C2CD5: variants seen among roughly 807,000 people sequenced by gnomAD.
C2CD5 encodes C2 calcium dependent domain containing 5, also known as C2 domain-containing protein 5.
Under a neutral mutation model 130.3 loss-of-function variants are expected in C2CD5, and 109 were observed. The ratio of observed to expected loss-of-function variants is 0.84; its 90% confidence interval spans 0.72 to 0.98. C2CD5 has a LOEUF of 0.98. Among genes scored for constraint, C2CD5 ranks in the 50% least tolerant of loss-of-function variants. C2CD5 has a pLI of 0.00. For synonymous variants in C2CD5, 454 were observed against 429.2 expected (o/e 1.06, Z -0.71); for missense variants, 996 against 1,261.8 (o/e 0.79, Z 3.19).
chr12:22,469,042 A>T (rs1022956799), intron 22 of C2CD5, among the ~76,000 whole-genome samples: 2 of 152,184 alleles, frequency 1.3e-5, no homozygotes, highest in Admixed American at 6.6e-5. Context: ...GTAATTTTAA[A>T]TTTTTTTGTA....
chr12:22,469,830 T>C (rs761007224), intron 21 of C2CD5, 35 bp from the exon 22 acceptor site: 10 of 1,262,252 alleles, frequency 7.9e-6, no homozygotes, highest in South Asian at 2.9e-5. Flanking sequence ...TATTTAGTAA[T>C]GATCTATTAT....
At chr12:22,527,565 G>A (rs1253882386) in intron 4 of C2CD5, among the ~76,000 whole-genome samples, 156 bp downstream of exon 4, 6 of 151,878 alleles carry the variant, frequency 4.0e-5, no homozygotes, top group Admixed American at 2.6e-4. Flanking sequence ...TGATCCACCC[G>A]CCTCAGCCTC....
chr12:22,468,713 G>A (rs1478019750), intron 22 of C2CD5, among the ~76,000 whole-genome samples: 1 of 152,074 alleles, frequency 6.6e-6, no homozygotes, highest in Non-Finnish European at 1.5e-5. Flanking sequence ...CAGTTACTAC[G>A]TTACAAAGTT....
intron 11 of C2CD5, 126 bp downstream of exon 11, chr12:22,493,097 G>A: frequency 2.0e-6 from 1 of 512,594 alleles, no homozygotes; most frequent in Non-Finnish European, 3.5e-6. Context: ...TTAATCTAAT[G>A]TACTCCAAGG....
chr12:22,505,862 T>A (rs7979297), intron 10 of C2CD5, among the ~76,000 whole-genome samples: 24,201 of 149,812 alleles, frequency 0.16, 3,835 homozygotes, highest in African/African-American at 0.41. Flanking sequence ...GATGTTAGTT[T>A]GCTCATCTGT....
At chr12:22,482,872 T>C in intron 13 of C2CD5, 129 bp from the exon 14 acceptor site, 2 of 669,128 alleles carry the variant, frequency 3.0e-6, no homozygotes, top group East Asian at 2.7e-5. Flanking sequence ...CTGAGTTATA[T>C]CAATAATCTG....
At position 22,544,200 on chromosome 12, in the gene C2CD5, G is replaced by GT. The variant is rs1041524717; in HGVS notation, c.-29-22dup. ...GGCTCCTGCAGAAACAAACAAACGA[G>GT]TCTGCGCCGAGCGCGGGGCCGGCGG... On this transcript the variant is annotated intron_variant, in intron 1 of 26. Coordinates refer to ENST00000446597, the MANE Select transcript of C2CD5 (RefSeq NM_001286176.2). 9.6e-6 allele frequency: 15 copies of GT among 1,568,166 alleles called. No homozygotes were observed. In the African/African-American group the frequency reaches 1.8e-4, roughly 19 times the overall value.
In C2CD5 at chr12:22,524,612, T is replaced by C. The variant is rs746424562; in HGVS notation, c.461A>G (p.Lys154Arg). Reference protein sequence around the residue: ...VKFFCTTSIPKCYRAVIIHGF... With the variant: ...VKFFCTTSIPRCYRAVIIHGF... ...ATGAATTATCACAGCTCTATAGCAT[T>C]TTGGAATAGACGTTGCTGTTAAAAC... Residue 154 changes from lysine to arginine, a missense_variant, in exon 6 of 27, where the codon AAA (lysine) becomes AGA (arginine). Lys to Arg is a conservative substitution (Grantham distance 26). Around this residue, in one of 9 missense-constraint regions of C2CD5, gnomAD observed 49 missense variants for 52.0 expected, o/e 0.94. Transcript: ENST00000446597. 6 of 1,611,658 alleles carry C rather than the reference T, an allele frequency of 3.7e-6. No homozygotes were observed. The highest frequency in any genetic ancestry group is 5.1e-6 in the Non-Finnish European group (6 of 1,178,524).
chr12:22,484,694 T>G lies in C2CD5; in HGVS notation c.1550+3A>C, dbSNP rs1253885820. ...ACACCGAGTGTTGTTTTCACAAACA[T>G]ACCTTGCTTGAATAAGACAACCTTT... On this transcript the variant is annotated splice_donor_region_variant and intron_variant, in intron 13 of 26. Coordinates refer to ENST00000446597, the MANE Select transcript of C2CD5 (RefSeq NM_001286176.2). 6.5e-7 allele frequency: 1 copy of G among 1,541,502 alleles called. No homozygotes were observed. The highest frequency in any genetic ancestry group is 1.4e-5 in the African/African-American group (1 of 71,804).
At chr12:22,493,829 C>T (rs1484446724) in intron 10 of C2CD5, among the ~76,000 whole-genome samples, 2 of 151,372 alleles carry the variant, frequency 1.3e-5, no homozygotes, top group Admixed American at 6.6e-5. Context: ...GAGAGAAAGC[C>T]ATCTGTAAGC....
chr12:22,514,184 T>C (rs1333217566), intron 8 of C2CD5, among the ~76,000 whole-genome samples: 1 of 152,150 alleles, frequency 6.6e-6, no homozygotes, highest in Non-Finnish European at 1.5e-5. Flanking sequence ...AAGAAGCCAG[T>C]GCTCTACAGA....
chr12:22,519,277 C>A, intron 7 of C2CD5: 1 of 1,514,170 alleles, frequency 6.6e-7, no homozygotes, highest in East Asian at 2.5e-5. Flanking sequence ...GAAAAGAAAA[C>A]AATACATACA....
intron 3 of C2CD5, among the ~76,000 whole-genome samples, chr12:22,529,229 T>A (rs1950997808): frequency 6.6e-6 from 1 of 152,176 alleles, no homozygotes; most frequent in South Asian, 2.1e-4. Flanking sequence ...TCATTTTGAA[T>A]CCCAATCCAT....
At chr12:22,535,113 CA>C in intron 3 of C2CD5, 144 bp downstream of exon 3, 1 of 632,808 alleles carries the variant, frequency 1.6e-6, no homozygotes, top group Middle Eastern at 4.1e-4. Context: ...TTTTTAGACT[CA>C]ATATTCCTAG....
At chr12:22,515,423 A>G (rs1949622427) in intron 8 of C2CD5, among the ~76,000 whole-genome samples, 1 of 152,180 alleles carries the variant, frequency 6.6e-6, no homozygotes, top group African/African-American at 2.4e-5. Flanking sequence ...ATGTGATTCT[A>G]ATAACTTTTA....
Position 22,472,721 on chromosome 12 carries a change from T to A in C2CD5, c.2107+23A>T, listed in dbSNP as rs771150210. ...ATTTATATGTAAAACTAGTTTCATC[T>A]CAAAGATAACTTTTTTGTTCACCTG... On this transcript the variant is annotated intron_variant, in intron 17 of 26. Coordinates refer to ENST00000446597, the MANE Select transcript of C2CD5 (RefSeq NM_001286176.2). 5.0e-5 allele frequency: 68 copies of A among 1,347,134 alleles called. 1 individual carries two copies. The highest frequency in any genetic ancestry group is 3.4e-5 in the Non-Finnish European group (32 of 938,842). 83.4% of individuals were successfully genotyped at this position (1,347,134 alleles called of 1,614,324 possible).
At position 22,530,103 on chromosome 12, in the gene C2CD5, T is replaced by TAC. The variant is rs1280645232; in HGVS notation, c.178-2212_178-2211insGT. ...ATATATATATATATATATATATATATATATATATACACACACACACACACA... is the reference window on the plus strand; with the variant it reads ...ATATATATATATATATATATATATATACATATATATACACACACACACACACA... On this transcript the variant is annotated intron_variant, in intron 3 of 26. Transcript: ENST00000446597. Among the ~76,000 whole-genome samples, 9 of 115,740 alleles carry TAC rather than the reference T, an allele frequency of 7.8e-5. No individual in the cohort carries two copies. In the East Asian group the frequency reaches 1.1e-3, roughly 15 times the overall value. The allele number at this position is 115,740 out of a possible 152,430, so 75.9% of individuals were successfully genotyped here.
intron 8 of C2CD5, among the ~76,000 whole-genome samples, chr12:22,515,683 T>C (rs1949648095): frequency 6.6e-6 from 1 of 152,110 alleles, no homozygotes; most frequent in South Asian, 2.1e-4. Context: ...GTATTAATTT[T>C]AATATTAACT....
intron 10 of C2CD5, chr12:22,502,746 G>T: frequency 6.6e-7 from 1 of 1,522,814 alleles, no homozygotes; most frequent in South Asian, 1.2e-5. Context: ...TACCTGAATT[G>T]AAACTATTCC....
Sources: gnomAD v4.1 joint callset for allele counts (sites outside exome capture counted in the v4.1 genomes callset) on GRCh38, gnomAD v4.1.1 for gene constraint, gnomAD v4.1.1 regional missense constraint, MANE v1.5 for transcripts, NCBI Gene and HGNC (gene_info 2026-07-23, HGNC 2026-07-21) for gene names.